Variants in MYO3B observed in about 807,000 individuals in gnomAD.
MYO3B encodes the protein myosin IIIB.
Under a neutral mutation model 174.6 loss-of-function variants are expected in MYO3B, and 156 were observed. The ratio of observed to expected loss-of-function variants is 0.89; its 90% CI spans 0.78 to 1.02. The LOEUF (loss-of-function observed/expected upper bound fraction) is 1.02, where lower values mean the gene tolerates loss of function less well. Among genes scored for constraint, MYO3B ranks in the 50% least tolerant of loss-of-function variants. MYO3B has a pLI of 0.00. For missense variants in MYO3B, 1,632 were observed against 1,639.4 expected (o/e 1.00, Z 0.08); for synonymous variants, 563 against 569.1 (o/e 0.99, Z 0.15).
rs547885573 is a variant in MYO3B at position 170,321,337 on chromosome 2, A to G, written c.750-14048A>G. ...AATTACTGAAGCAGAATGTAGAAAC[A>G]TAGTAGAACCAATATATAAATCATG... On this transcript the variant is annotated intron_variant, in intron 7 of 34. Coordinates refer to ENST00000408978, the MANE Select transcript of MYO3B (RefSeq NM_138995.5). Among the ~76,000 whole-genome samples the G allele has an allele frequency of 2.0e-5, 3 of 152,336 alleles. No homozygotes were observed. The East Asian group carries it at 5.8e-4, about 29-fold the overall frequency.
rs557267832 is a variant in MYO3B, at chr2:170,634,269, G to A, written c.3734-17359G>A. On this transcript the variant is annotated intron_variant, in intron 32 of 34. Coordinates refer to ENST00000408978, the MANE Select transcript of MYO3B (RefSeq NM_138995.5). ...AGCATGGTACTGGTACCAAAACAGAGATATAGACCAATGGAACAGAACAGA... is the reference window on the plus strand; with the variant it reads ...AGCATGGTACTGGTACCAAAACAGAAATATAGACCAATGGAACAGAACAGA... Among the ~76,000 whole-genome samples the A allele has an allele frequency of 3.2e-3, 491 of 152,182 alleles. 1 individual carries two copies. The highest frequency in any genetic ancestry group is 5.1e-3 in the Non-Finnish European group (350 of 68,018).
chr2:170,556,063 G>A (rs956113012), intron 32 of MYO3B, among the ~76,000 whole-genome samples: 2 of 151,958 alleles, frequency 1.3e-5, no homozygotes, highest in African/African-American at 4.8e-5. Context: ...GGGCGTAATA[G>A]CACACGCCTG....
chr2:170,237,791 G>A lies in MYO3B; in HGVS notation c.749+1655G>A, dbSNP rs141716196. Among the ~76,000 whole-genome samples, 245 of 152,204 alleles carry A rather than the reference G, an allele frequency of 1.6e-3. 9 individuals are homozygous for A. In the East Asian group the frequency reaches 0.042, roughly 26 times the overall value. On this transcript the variant is annotated intron_variant, in intron 7 of 34. Coordinates refer to ENST00000408978, the MANE Select transcript of MYO3B (RefSeq NM_138995.5). Reference sequence around the variant, plus strand: ...GGATCCTTATCCCAACTTAGTTTAAGGCTTTGTTTCTCTCCCCCTAGTGTA... The same window carrying A: ...GGATCCTTATCCCAACTTAGTTTAAAGCTTTGTTTCTCTCCCCCTAGTGTA...
intron 7 of MYO3B, among the ~76,000 whole-genome samples, chr2:170,315,278 A>G (rs1285361222): frequency 6.6e-6 from 1 of 152,028 alleles, no homozygotes; most frequent in African/African-American, 2.4e-5. Context: ...AATCTGGAGA[A>G]TTAGTGACAG....
intron 32 of MYO3B, among the ~76,000 whole-genome samples, chr2:170,612,095 C>T (rs1695158856): frequency 6.6e-6 from 1 of 152,212 alleles, no homozygotes; most frequent in South Asian, 2.1e-4. Context: ...AGAGCCTGGA[C>T]TCAGCCACCC....
chr2:170,271,654 G>C (rs2093425856), intron 7 of MYO3B, among the ~76,000 whole-genome samples: 2 of 152,174 alleles, frequency 1.3e-5, no homozygotes, highest in Non-Finnish European at 2.9e-5. Flanking sequence ...AATGAACTCT[G>C]AAGCTCCTCA....
intron 28 of MYO3B, among the ~76,000 whole-genome samples, chr2:170,507,314 G>A (rs1321491681): frequency 6.6e-6 from 1 of 152,130 alleles, no homozygotes; most frequent in Non-Finnish European, 1.5e-5. Flanking sequence ...AGTCCTAGGC[G>A]AGGGGTCCTG....
intron 23 of MYO3B, among the ~76,000 whole-genome samples, chr2:170,463,099 A>G (rs960503487): frequency 2.6e-5 from 4 of 152,246 alleles, no homozygotes; most frequent in South Asian, 2.1e-4. Flanking sequence ...ACAGGGGTTC[A>G]TTAGAAGATG....
chr2:170,407,581 T>TGCTCTGGATATGAAA (rs58632651), intron 21 of MYO3B, 134 bp from the exon 22 acceptor site: 498,787 of 644,122 alleles, frequency 0.77, 198,323 homozygotes, highest in Middle Eastern at 0.86. Context: ...CTTTATCTGG[T>TGCTCTGGATATGAAA]GCTCTGGATA....
chr2:170,381,369 T>C (rs2094334279), intron 9 of MYO3B, among the ~76,000 whole-genome samples: 1 of 152,124 alleles, frequency 6.6e-6, no homozygotes, highest in East Asian at 1.9e-4. Flanking sequence ...TTTTTATAAC[T>C]AAACATACAG....
chr2:170,258,437 A>G (rs1417307432), intron 7 of MYO3B, among the ~76,000 whole-genome samples: 1 of 152,214 alleles, frequency 6.6e-6, no homozygotes, highest in Non-Finnish European at 1.5e-5. Context: ...GATTCACCAC[A>G]TAAACAGAAT....
At chr2:170,627,494 G>A (rs1009430723) in intron 32 of MYO3B, among the ~76,000 whole-genome samples, 2 of 152,100 alleles carry the variant, frequency 1.3e-5, no homozygotes, top group Admixed American at 6.5e-5. Context: ...CGATGGGTTC[G>A]AACTTCCTCC....
chr2:170,551,538 CAAAAAAAA>C (rs3072763), intron 32 of MYO3B, among the ~76,000 whole-genome samples: 6 of 56,202 alleles, frequency 1.1e-4, no homozygotes, highest in East Asian at 6.6e-4. Context: ...TGACTTTTTG[CAAAAAAAA>C]AAAAAAAAAA....
At chr2:170,633,729 C>A (rs888676234) in intron 32 of MYO3B, among the ~76,000 whole-genome samples, 1 of 152,174 alleles carries the variant, frequency 6.6e-6, no homozygotes, top group African/African-American at 2.4e-5. Flanking sequence ...ATTGTCTCAG[C>A]CCAAAATCTC....
chr2:170,256,896 A>G (rs2093309370), intron 7 of MYO3B, among the ~76,000 whole-genome samples: 1 of 152,182 alleles, frequency 6.6e-6, no homozygotes, highest in South Asian at 2.1e-4. Context: ...GACTCAAAGT[A>G]AAGAAATGAA....
intron 7 of MYO3B, among the ~76,000 whole-genome samples, chr2:170,320,467 C>T (rs1559384622): frequency 6.6e-6 from 1 of 152,032 alleles, no homozygotes; most frequent in Non-Finnish European, 1.5e-5. Flanking sequence ...ATTTAATGAA[C>T]CTATCTCATT....
intron 25 of MYO3B, among the ~76,000 whole-genome samples, chr2:170,489,773 A>G (rs957808751): frequency 2.0e-5 from 3 of 151,676 alleles, no homozygotes; most frequent in African/African-American, 7.3e-5. Context: ...TCAATCTTTT[A>G]AGGCCTTCAA....
chr2:170,255,933 A>G (rs1334622898), intron 7 of MYO3B, among the ~76,000 whole-genome samples: 1 of 152,262 alleles, frequency 6.6e-6, no homozygotes, highest in Non-Finnish European at 1.5e-5. Context: ...TGACATAGCC[A>G]GTTTAAGAAA....
chr2:170,375,133 C>G (rs2094281739), intron 9 of MYO3B, among the ~76,000 whole-genome samples: 1 of 152,160 alleles, frequency 6.6e-6, no homozygotes, highest in Non-Finnish European at 1.5e-5. Flanking sequence ...TTTATATCAG[C>G]ACCTATTTCC....
Sources: allele counts gnomAD v4.1 joint callset (sites outside exome capture counted in the v4.1 genomes callset), GRCh38; gene constraint gnomAD v4.1.1; transcripts MANE v1.5; gene names NCBI Gene and HGNC (gene_info 2026-07-23, HGNC 2026-07-21).